The following PHLDB1 variants were observed in gnomAD, a reference collection of about 807,000 sequenced individuals.
PHLDB1 encodes pleckstrin homology like domain family B member 1.
Under a neutral mutation model 139.3 loss-of-function variants are expected in PHLDB1, and 65 were observed. That is an observed-to-expected ratio of 0.47 (90% CI 0.38 to 0.57). The LOEUF (loss-of-function observed/expected upper bound fraction) is 0.57, where lower values mean the gene tolerates loss of function less well. PHLDB1 is among the 20% of genes least tolerant of loss of function. The pLI is 0.00. For synonymous variants in PHLDB1, 679 were observed against 734.5 expected (o/e 0.92, Z 1.22); for missense variants, 1,624 against 1,839.7 (o/e 0.88, Z 2.14).
chr11:118,624,602 T>C (rs1264920082), intron 4 of PHLDB1: 27 of 142,218 alleles, frequency 1.9e-4, no homozygotes, highest in African/African-American at 4.9e-4. Context: ...TTTTTTTTTT[T>C]TTTTTTTTTT....
At chr11:118,643,979 G>C (rs1555124207) in intron 14 of PHLDB1, 39 bp downstream of exon 14, 1 of 1,592,764 alleles carries the variant, frequency 6.3e-7, no homozygotes, top group South Asian at 1.1e-5. Flanking sequence ...TGTGGCTGGG[G>C]ATGGAGACTT....
chr11:118,627,351 A>C lies in PHLDB1; in HGVS notation c.528A>C (p.Ala176=). 2.5e-6 allele frequency: 4 copies of C among 1,614,142 alleles called. No homozygotes were observed. The highest frequency in any genetic ancestry group is 3.4e-6 in the Non-Finnish European group (4 of 1,179,974). ...LVNGNHTPQT[A]TRGPSACASH... ...ATGGGAACCACACCCCACAGACTGC[A>C]ACACGGGGACCCTCTGCCTGTGCCA... The change falls in exon 6 of 23, where the codon GCA becomes GCC. Residue 176 remains alanine, a synonymous_variant. Transcript: ENST00000600882.
At chr11:118,635,371 C>T in intron 9 of PHLDB1, 22 bp from the exon 10 acceptor site, 1 of 1,558,796 alleles carries the variant, frequency 6.4e-7, no homozygotes, top group Non-Finnish European at 8.7e-7. Context: ...CCACCCAACC[C>T]CCTTTGTCAC....
chr11:118,650,032 T>C lies in PHLDB1; in HGVS notation c.3655-45T>C, dbSNP rs782490746. Reference sequence around the variant, plus strand: ...CCAAGGGGCCTGGACAGGGGAATAATGAGGGAAGAGAGGAGACTCTCCTGA... The same window carrying C: ...CCAAGGGGCCTGGACAGGGGAATAACGAGGGAAGAGAGGAGACTCTCCTGA... On this transcript the variant is annotated intron_variant, in intron 18 of 22. Coordinates refer to ENST00000600882, the MANE Select transcript of PHLDB1 (RefSeq NM_001144758.3). This position sits in a 1 kb window ranked among gnomAD's most constrained non-coding sequence, Gnocchi z 4.7. 7.2e-7 allele frequency: 1 copy of C among 1,386,996 alleles called. No homozygotes were observed. Among genetic ancestry groups the C allele is most frequent in the East Asian group, 2.3e-5 (1 of 43,878 alleles). 85.9% of individuals were successfully genotyped at this position (1,386,996 alleles called of 1,614,324 possible). A position where few individuals can be genotyped will look rare whatever the true frequency, so the allele number is the denominator to read the frequency against.
At position 118,638,941 on chromosome 11, in the gene PHLDB1, C is replaced by T. The variant is rs34608961; in HGVS notation, c.2586C>T (p.Ala862=). The change falls in exon 11 of 23, where the codon GCC becomes GCT. Residue 862 remains alanine, a synonymous_variant. Transcript: ENST00000600882. ...DSQAGQIRAQ[A]VQESERLARD... is the part of the protein sequence containing the mutation. ...AGGCTGGGCAGATCCGGGCTCAGGC[C>T]GTGCAGGAATCAGAACGCCTGGCCC... 5.1e-3 allele frequency: 8,164 copies of T among 1,613,570 alleles called. 38 individuals are homozygous for T. The highest frequency in any genetic ancestry group is 5.6e-3 in the Non-Finnish European group (6,654 of 1,179,712).
intron 17 of PHLDB1, 74 bp from the exon 18 acceptor site, chr11:118,647,856 C>G (rs1417351453): frequency 2.0e-6 from 3 of 1,485,960 alleles, no homozygotes; most frequent in Non-Finnish European, 2.7e-6. Context: ...TCCTGCAGCC[C>G]TGCCCAGGTG....
chr11:118,650,838 A>T lies in PHLDB1; in HGVS notation c.3874+291A>T. The T allele has an allele frequency of 8.9e-6, 4 of 449,964 alleles. No individual in the cohort carries two copies. The highest frequency in any genetic ancestry group is 5.2e-5 in the South Asian group (2 of 38,446). 27.9% of individuals were successfully genotyped at this position (449,964 alleles called of 1,614,324 possible). A position where few individuals can be genotyped will look rare whatever the true frequency, so the allele number is the denominator to read the frequency against. ...TGGCCACAGCGCTCTCATGGAGCTT[A>T]TAATCAGGGAAGCAGACAAGAGTGA... On this transcript the variant is annotated intron_variant, in intron 20 of 22. Coordinates refer to ENST00000600882, the MANE Select transcript of PHLDB1 (RefSeq NM_001144758.3). The surrounding 1 kb of genome is among the most constrained non-coding windows in gnomAD (Gnocchi z 4.7).
At chr11:118,626,059 A>G (rs1174311932) in intron 5 of PHLDB1, among the ~76,000 whole-genome samples, 2 of 152,136 alleles carry the variant, frequency 1.3e-5, no homozygotes, top group Non-Finnish European at 2.9e-5. Context: ...GTGCTGGGGC[A>G]TGGCAAAAGC....
chr11:118,632,903 A>G lies in PHLDB1; in HGVS notation c.2379+607A>G, dbSNP rs1945024254. On this transcript the variant is annotated intron_variant, in intron 9 of 22. Coordinates refer to ENST00000600882, the MANE Select transcript of PHLDB1 (RefSeq NM_001144758.3). This position sits in a 1 kb window ranked among gnomAD's most constrained non-coding sequence, Gnocchi z 5.9. ...GTCATCTATTTCTGGATCTGACAGT[A>G]TTTTTCCAATAATTTAATTTTCCTT... is the stretch of plus-strand genomic sequence containing the variant. 1.1e-6 allele frequency: 1 copy of G among 912,836 alleles called. No homozygotes were observed. The highest frequency in any genetic ancestry group is 1.3e-6 in the Non-Finnish European group (1 of 764,484). The allele number at this position is 912,836 out of a possible 1,614,324, so 56.5% of individuals were successfully genotyped here. A position where few individuals can be genotyped will look rare whatever the true frequency, so the allele number is the denominator to read the frequency against.
At chr11:118,643,478 C>T in intron 13 of PHLDB1, 2 of 984,106 alleles carry the variant, frequency 2.0e-6, no homozygotes, top group Non-Finnish European at 2.4e-6. Flanking sequence ...GAGCTAGGAC[C>T]AGAGGGAACC....
rs1555117586 is a variant in PHLDB1, at chr11:118,638,907, T to C, written c.2552T>C (p.Leu851Pro). Residue 851 changes from leucine to proline, a missense_variant, in exon 11 of 23, where the codon CTG (leucine) becomes CCG (proline). Transcript: ENST00000600882. ...IAKRKERLAI[L>P]DSQAGQIRAQ... Reference sequence around the variant, plus strand: ...CTCCTTTAGGAGCGCCTGGCCATCCTGGACAGTCAGGCTGGGCAGATCCGG... The same window carrying C: ...CTCCTTTAGGAGCGCCTGGCCATCCCGGACAGTCAGGCTGGGCAGATCCGG... 6.2e-7 allele frequency: 1 copy of C among 1,612,664 alleles called. No homozygotes were observed. Among genetic ancestry groups the C allele is most frequent in the South Asian group, 1.1e-5 (1 of 90,724 alleles).
chr11:118,638,538 G>A (rs1028882864), intron 10 of PHLDB1, among the ~76,000 whole-genome samples: 1 of 152,178 alleles, frequency 6.6e-6, no homozygotes, highest in Non-Finnish European at 1.5e-5. Flanking sequence ...GACCAGGGAA[G>A]CAGAGGGCCT....
chr11:118,636,061 G>A lies in PHLDB1; in HGVS notation c.2535+513G>A, dbSNP rs142781744. Among the ~76,000 whole-genome samples the A allele has an allele frequency of 4.2e-3, 639 of 152,294 alleles. 2 individuals carry two copies. The highest frequency in any genetic ancestry group is 6.0e-3 in the Non-Finnish European group (409 of 68,018). ...ATTGTGGCCTGGCCAGCTGTGACAC[G>A]CTAGCTAGATACTGTGATCACCTGC... On this transcript the variant is annotated intron_variant, in intron 10 of 22. Coordinates refer to ENST00000600882, the MANE Select transcript of PHLDB1 (RefSeq NM_001144758.3).
In PHLDB1 at chr11:118,608,685, T is replaced by C. The variant is rs1436272914; in HGVS notation, c.-22+986T>C. Among the ~76,000 whole-genome samples the C allele has an allele frequency of 6.6e-6, 1 of 150,746 alleles. No individual in the cohort carries two copies. Among genetic ancestry groups the C allele is most frequent in the Non-Finnish European group, 1.5e-5 (1 of 67,682 alleles). On this transcript the variant is annotated intron_variant, in intron 1 of 22. Transcript: ENST00000600882. The surrounding 1 kb of genome is among the most constrained non-coding windows in gnomAD (Gnocchi z 6.7). ...ACGCAGGCGCCCCACCACGCCGGGCTCCCACGCGGCACACACGCACGCCTC... is the reference window on the plus strand; with the variant it reads ...ACGCAGGCGCCCCACCACGCCGGGCCCCCACGCGGCACACACGCACGCCTC...
intron 10 of PHLDB1, among the ~76,000 whole-genome samples, chr11:118,636,417 G>C (rs1388234903): frequency 1.3e-5 from 2 of 152,156 alleles, no homozygotes; most frequent in Non-Finnish European, 2.9e-5. Flanking sequence ...CTTGAGTCCA[G>C]ATCCCATGCT....
chr11:118,637,515 T>G (rs372642976), intron 10 of PHLDB1: 1 of 152,122 alleles, frequency 6.6e-6, no homozygotes, highest in East Asian at 1.9e-4. Flanking sequence ...CTGGCTAATT[T>G]TTGTATTTTT....
chr11:118,607,683 C>CA lies in PHLDB1; in HGVS notation c.-38_-37insA, dbSNP rs1193355496. 2 of 142,738 alleles carry CA rather than the reference C, an allele frequency of 1.4e-5. No homozygotes were observed. Among genetic ancestry groups the CA allele is most frequent in the Admixed American group, 7.0e-5 (1 of 14,216 alleles). 8.8% of individuals were successfully genotyped at this position (142,738 alleles called of 1,614,324 possible). ...GGCTAAGGGACCAGTGTCTCCCTGC[C>CA]CCCCCCCCACCTCTAGGTAAGAGCG... On this transcript the variant is annotated 5_prime_UTR_variant, in exon 1 of 23. Coordinates refer to ENST00000600882, the MANE Select transcript of PHLDB1 (RefSeq NM_001144758.3).
chr11:118,625,197 G>A (rs538538000), intron 5 of PHLDB1, 138 bp downstream of exon 5: 35 of 1,038,712 alleles, frequency 3.4e-5, no homozygotes, highest in African/African-American at 6.6e-5. Context: ...TGCCATGGGC[G>A]GGTGGAGAAT....
At position 118,655,940 on chromosome 11, in the gene PHLDB1, C is replaced by CCCCACTCAT. The variant is rs782630965; in HGVS notation, c.3993+52_3993+60dup. 3 of 1,346,202 alleles carry CCCCACTCAT rather than the reference C, an allele frequency of 2.2e-6. No individual in the cohort carries two copies. In the African/African-American group the frequency reaches 4.3e-5, roughly 19 times the overall value. 83.4% of individuals were successfully genotyped at this position (1,346,202 alleles called of 1,614,324 possible). ...AACCAGCACATTAACACCTCCTGTA[C>CCCCACTCAT]CCCACTCATCCCTGACCCTTGACCT... On this transcript the variant is annotated intron_variant, in intron 22 of 22. Transcript: ENST00000600882.
Sources: gnomAD v4.1 joint callset for allele counts (sites outside exome capture counted in the v4.1 genomes callset) on GRCh38, gnomAD v4.1.1 for gene constraint, Gnocchi (gnomAD v3.1) non-coding constraint, MANE v1.5 for transcripts, NCBI Gene and HGNC (gene_info 2026-07-23, HGNC 2026-07-21) for gene names.